MTMR7: variants seen among roughly 807,000 people sequenced by gnomAD.
MTMR7 encodes myotubularin related protein 7, also known as phosphatidylinositol-3-phosphate phosphatase MTMR7.
In MTMR7, 76 loss-of-function variants were observed where a neutral mutation model predicts 81.2. The ratio of observed to expected loss-of-function variants is 0.94; its 90% confidence interval spans 0.78 to 1.13. The LOEUF (loss-of-function observed/expected upper bound fraction) is 1.13. Ranked by LOEUF, MTMR7 falls within the 50% of genes most tolerant of loss-of-function variation. The pLI, the probability that MTMR7 is intolerant of heterozygous loss-of-function variation, is 0.00. For missense variants in MTMR7, 1,044 were observed against 820.0 expected (o/e 1.27, Z -3.34); for synonymous variants, 372 against 289.8 (o/e 1.28, Z -2.88).
chr8:17,387,927 T>C (rs1415124579), intron 1 of MTMR7, among the ~76,000 whole-genome samples: 1 of 152,218 alleles, frequency 6.6e-6, no homozygotes, highest in Non-Finnish European at 1.5e-5. Context: ...ATACATTTGT[T>C]AAAACAGCAG....
Position 17,297,878 on chromosome 8 carries a change from T to C in MTMR7, c.*1984A>G, listed in dbSNP as rs1816817716. ...TAAGCAGACGAACATGTTACATAAATTATAATGTCTGTCTTGTAAAAAAGT... is the reference window on the plus strand; with the variant it reads ...TAAGCAGACGAACATGTTACATAAACTATAATGTCTGTCTTGTAAAAAAGT... On this transcript the variant is annotated 3_prime_UTR_variant, in exon 14 of 14. Coordinates refer to ENST00000180173, the MANE Select transcript of MTMR7 (RefSeq NM_004686.5). The C allele has an allele frequency of 6.6e-6, 1 of 152,018 alleles. No individual in the cohort carries two copies. Among genetic ancestry groups the C allele is most frequent in the Admixed American group, 6.6e-5 (1 of 15,250 alleles). The allele number at this position is 152,018 out of a possible 1,614,324, so 9.4% of individuals were successfully genotyped here. A position where few individuals can be genotyped will look rare whatever the true frequency, so the allele number is the denominator to read the frequency against.
At chr8:17,370,338 T>C (rs533193721) in intron 3 of MTMR7, among the ~76,000 whole-genome samples, 1 of 151,614 alleles carries the variant, frequency 6.6e-6, no homozygotes, top group Non-Finnish European at 1.5e-5. Context: ...CTGGCCAACA[T>C]GGCAAAACCC....
chr8:17,302,265 C>T lies in MTMR7; in HGVS notation c.1509G>A (p.Met503Ile). The change falls in exon 13 of 14, where the codon ATG (methionine) becomes ATA (isoleucine). Residue 503 changes from methionine to isoleucine, a missense_variant. Met to Ile is a conservative substitution (Grantham distance 10). Transcript: ENST00000180173. The part of the protein sequence containing the change: ...CNFMYKFWSG[M>I]YNRFEKGMQP... Reference sequence around the variant, plus strand: ...GCATCCCCTTTTCAAAGCGGTTATACATTCCACTCCAAAACCTGGAAAGGA... The same window carrying T: ...GCATCCCCTTTTCAAAGCGGTTATATATTCCACTCCAAAACCTGGAAAGGA... The T allele has an allele frequency of 1.2e-6, 2 of 1,613,544 alleles. No homozygotes were observed. The highest frequency in any genetic ancestry group is 1.7e-6 in the Non-Finnish European group (2 of 1,179,788).
At chr8:17,305,691 C>G in intron 11 of MTMR7, 66 bp downstream of exon 11, 1 of 1,406,286 alleles carries the variant, frequency 7.1e-7, no homozygotes, top group Non-Finnish European at 9.8e-7. Context: ...TGAAAGGCCA[C>G]CTAAAATTCT....
At position 17,302,138 on chromosome 8, in the gene MTMR7, AG is replaced by A; in HGVS notation, c.1620+15del. On this transcript the variant is annotated intron_variant, in intron 13 of 13. Transcript: ENST00000180173. ...ATAAGCACAGAAAATAGATTAACAA[AG>A]CAAGTATGTCTTACTTCTTCCAGGG... The A allele has an allele frequency of 6.2e-7, 1 of 1,614,036 alleles. No homozygotes were observed. Among genetic ancestry groups the A allele is most frequent in the African/African-American group, 1.3e-5 (1 of 75,040 alleles).
chr8:17,343,936 C>A (rs983923672), intron 5 of MTMR7, among the ~76,000 whole-genome samples: 15 of 152,152 alleles, frequency 9.9e-5, no homozygotes, highest in African/African-American at 3.1e-4. Context: ...GATGTCAGAG[C>A]ACAGATTAAA....
chr8:17,326,090 T>C (rs993070579), intron 7 of MTMR7, among the ~76,000 whole-genome samples: 2 of 152,166 alleles, frequency 1.3e-5, no homozygotes, highest in African/African-American at 4.8e-5. Flanking sequence ...AGAGACTCAA[T>C]CAAGAACCCA....
intron 5 of MTMR7, among the ~76,000 whole-genome samples, chr8:17,341,739 A>T (rs2285286): frequency 6.6e-6 from 1 of 152,086 alleles, no homozygotes; most frequent in Admixed American, 6.5e-5. Context: ...AGAGATGTTT[A>T]GATAGGGTCT....
chr8:17,309,879 G>C (rs893433986), intron 9 of MTMR7, among the ~76,000 whole-genome samples: 13 of 152,190 alleles, frequency 8.5e-5, no homozygotes, highest in African/African-American at 2.4e-4. Flanking sequence ...ATGGTGTTTG[G>C]GGTATATTCA....
chr8:17,400,720 G>A lies in MTMR7; in HGVS notation c.24+12549C>T, dbSNP rs75999491. Among the ~76,000 whole-genome samples, 850 of 152,278 alleles carry A rather than the reference G, an allele frequency of 5.6e-3. 12 individuals carry two copies. The highest frequency in any genetic ancestry group is 0.02 in the African/African-American group (820 of 41,516). ...ATATTTAACAGCTGTTGAGGAGGTA[G>A]TCACTGTAATCAAATACGCTCTTAC... On this transcript the variant is annotated intron_variant, in intron 1 of 13. Transcript: ENST00000180173.
chr8:17,386,417 A>C (rs1820944616), intron 1 of MTMR7, among the ~76,000 whole-genome samples: 1 of 152,208 alleles, frequency 6.6e-6, no homozygotes. Context: ...AATACTGCCC[A>C]CAGATGATCT....
rs373323995 is a variant in MTMR7 at position 17,378,272 on chromosome 8, G to C, written c.25-5032C>G. Among the ~76,000 whole-genome samples, 75 of 152,296 alleles carry C rather than the reference G, an allele frequency of 4.9e-4. 2 individuals carry two copies. Among genetic ancestry groups the C allele is most frequent in the Middle Eastern group, 3.4e-3 (1 of 294 alleles). Reference sequence around the variant, plus strand: ...GGAACACCAACAGTATGATTTCCCAGAGATACTAACAATTAAAAATGAATT... The same window carrying C: ...GGAACACCAACAGTATGATTTCCCACAGATACTAACAATTAAAAATGAATT... On this transcript the variant is annotated intron_variant, in intron 1 of 13. Transcript: ENST00000180173.
chr8:17,406,758 A>G lies in MTMR7; in HGVS notation c.24+6511T>C, dbSNP rs1403924755. On this transcript the variant is annotated intron_variant, in intron 1 of 13. Coordinates refer to ENST00000180173, the MANE Select transcript of MTMR7 (RefSeq NM_004686.5). Reference sequence around the variant, plus strand: ...TCCCTCAACTGATAAATGTATAAACAAAATGCAGGATTAGCCACAGAACAG... The same window carrying G: ...TCCCTCAACTGATAAATGTATAAACGAAATGCAGGATTAGCCACAGAACAG... Among the ~76,000 whole-genome samples the G allele has an allele frequency of 2.0e-5, 3 of 152,242 alleles. No individual in the cohort carries two copies. The East Asian group carries it at 5.8e-4, about 29-fold the overall frequency.
chr8:17,345,351 GC>G (rs1219690890), intron 5 of MTMR7, among the ~76,000 whole-genome samples: 1 of 152,178 alleles, frequency 6.6e-6, no homozygotes, highest in African/African-American at 2.4e-5. Context: ...AATGATGCAC[GC>G]AAGCTAATCA....
At chr8:17,306,877 A>G (rs1817488902) in intron 10 of MTMR7, among the ~76,000 whole-genome samples, 1 of 152,094 alleles carries the variant, frequency 6.6e-6, no homozygotes, top group Non-Finnish European at 1.5e-5. Flanking sequence ...CACCTTATAC[A>G]AAAATTAATT....
At chr8:17,303,851 C>A (rs966987597) in intron 12 of MTMR7, among the ~76,000 whole-genome samples, 11 of 152,150 alleles carry the variant, frequency 7.2e-5, no homozygotes, top group Admixed American at 7.2e-4. Flanking sequence ...CTAGGGTGAT[C>A]CACCCGCCTC....
chr8:17,319,485 A>G (rs747877566), intron 7 of MTMR7, among the ~76,000 whole-genome samples: 3 of 152,176 alleles, frequency 2.0e-5, no homozygotes, highest in Non-Finnish European at 4.4e-5. Flanking sequence ...GACATCTCAA[A>G]TGCAAGTCTT....
intron 1 of MTMR7, among the ~76,000 whole-genome samples, chr8:17,375,963 T>A (rs1435820526): frequency 1.3e-5 from 2 of 152,220 alleles, no homozygotes; most frequent in Non-Finnish European, 2.9e-5. Context: ...CAATGGTTTT[T>A]AGCACATTCA....
intron 9 of MTMR7, among the ~76,000 whole-genome samples, chr8:17,310,472 A>T (rs956949280): frequency 6.6e-6 from 1 of 152,206 alleles, no homozygotes. Flanking sequence ...CACAATGAGA[A>T]CAAGTTGATG....
Sources: allele counts gnomAD v4.1 joint callset (sites outside exome capture counted in the v4.1 genomes callset), GRCh38; gene constraint gnomAD v4.1.1; transcripts MANE v1.5; gene names NCBI Gene and HGNC (gene_info 2026-07-23, HGNC 2026-07-21).